The following RFC3 variants were observed in gnomAD, a reference collection of about 807,000 sequenced individuals.
RFC3 encodes replication factor C subunit 3.
In RFC3, 41 loss-of-function variants were observed where a neutral mutation model predicts 45.1. The observed-to-expected ratio is 0.91, with a 90% CI of 0.71 to 1.18. The LOEUF (loss-of-function observed/expected upper bound fraction) is 1.18, where lower values mean the gene tolerates loss of function less well. Ranked by LOEUF, RFC3 falls within the 50% of genes most tolerant of loss-of-function variation. RFC3 has a pLI of 0.00. For missense variants in RFC3, 423 were observed against 428.1 expected, an observed-to-expected ratio of 0.99 and a Z score of 0.10; for synonymous variants, 149 against 144.0, an observed-to-expected ratio of 1.03 and a Z score of -0.25.
rs114465616 is a variant in RFC3, at chr13:33,954,782, C to T, written c.880-11305C>T. ...AAAATCACTAATCTCCTCACGAGGGCTCCATCCTCATGACCTAATTACTTC... is the reference window on the plus strand; with the variant it reads ...AAAATCACTAATCTCCTCACGAGGGTTCCATCCTCATGACCTAATTACTTC... On this transcript the variant is annotated intron_variant, in intron 8 of 8. Transcript: ENST00000434425. Among the ~76,000 whole-genome samples, 1,317 of 152,244 alleles carry T rather than the reference C, an allele frequency of 8.7e-3. 16 individuals carry two copies. Among genetic ancestry groups the T allele is most frequent in the African/African-American group, 0.027 (1,128 of 41,532 alleles).
chr13:33,890,484 T>C (rs2082556712), intron 8 of RFC3, among the ~76,000 whole-genome samples: 1 of 152,178 alleles, frequency 6.6e-6, no homozygotes, highest in African/African-American at 2.4e-5. Flanking sequence ...GATGCCATCG[T>C]ATTGACCCAG....
At chr13:33,939,482 C>T (rs2082910273) in intron 8 of RFC3, among the ~76,000 whole-genome samples, 1 of 152,134 alleles carries the variant, frequency 6.6e-6, no homozygotes, top group South Asian at 2.1e-4. Context: ...TGTGTGACTC[C>T]CTCGCTCTGT....
chr13:33,958,511 G>T (rs1399783728), intron 8 of RFC3, among the ~76,000 whole-genome samples: 2 of 152,220 alleles, frequency 1.3e-5, no homozygotes, highest in Non-Finnish European at 2.9e-5. Context: ...AACTGGATGA[G>T]TGTTACCCCT....
intron 8 of RFC3, among the ~76,000 whole-genome samples, chr13:33,938,804 G>A (rs894989054): frequency 6.6e-6 from 1 of 152,064 alleles, no homozygotes; most frequent in East Asian, 1.9e-4. Context: ...GGTCATTGGG[G>A]ATGCATGTGT....
At chr13:33,959,602 C>T (rs1435933897) in intron 8 of RFC3, among the ~76,000 whole-genome samples, 1 of 152,182 alleles carries the variant, frequency 6.6e-6, no homozygotes, top group Non-Finnish European at 1.5e-5. Flanking sequence ...GAACATTTAT[C>T]TCAGGCCCAG....
chr13:33,853,326 C>G (rs1376201184), intron 8 of RFC3, among the ~76,000 whole-genome samples: 1 of 152,092 alleles, frequency 6.6e-6, no homozygotes, highest in Non-Finnish European at 1.5e-5. Context: ...GTGCATTAGA[C>G]TTTATTAATT....
chr13:33,968,335 C>T (rs1476335449), downstream of RFC3, among the ~76,000 whole-genome samples: 1 of 152,168 alleles, frequency 6.6e-6, no homozygotes, highest in African/African-American at 2.4e-5. Flanking sequence ...ACAATGTTGG[C>T]CAGGCTGGTC....
At chr13:33,830,691 T>A in intron 5 of RFC3, 28 bp from the exon 6 acceptor site, 1 of 1,585,340 alleles carries the variant, frequency 6.3e-7, no homozygotes, top group South Asian at 1.1e-5. Context: ...TTTAATGGAT[T>A]GCCCATTTTT....
At chr13:33,915,590 T>C (rs1241321846) in intron 8 of RFC3, among the ~76,000 whole-genome samples, 3 of 152,122 alleles carry the variant, frequency 2.0e-5, no homozygotes, top group Non-Finnish European at 2.9e-5. Context: ...TTTGTTTTCT[T>C]TTTCTTTCAA....
chr13:33,866,411 C>T (rs113741623), intron 8 of RFC3, among the ~76,000 whole-genome samples: 48 of 152,318 alleles, frequency 3.2e-4, no homozygotes, highest in African/African-American at 1.1e-3. Context: ...GTGATCCATA[C>T]AGTTTGGAGG....
rs530057632 is a variant in RFC3, at chr13:33,821,248, A to G, written c.204A>G (p.Arg68=). 1.2e-6 allele frequency: 2 copies of G among 1,613,632 alleles called. No individual in the cohort carries two copies. Among genetic ancestry groups the G allele is most frequent in the Admixed American group, 3.3e-5 (2 of 60,012 alleles). ...ATGGTGTTGGAGTGGAAAAATTGAG[A>G]ATTGAACATCAGACCATCACAGTAA... ...ELYGVGVEKL[R]IEHQTITTPS... The change falls in exon 2 of 9, where the codon AGA becomes AGG. Residue 68 remains arginine (R), a synonymous_variant. Transcript: ENST00000380071.
chr13:33,865,313 TG>T (rs2082366377), intron 8 of RFC3, among the ~76,000 whole-genome samples: 1 of 152,208 alleles, frequency 6.6e-6, no homozygotes, highest in Non-Finnish European at 1.5e-5. Context: ...TGCCTTTGCC[TG>T]AGGGAGTTGC....
intron 8 of RFC3, among the ~76,000 whole-genome samples, chr13:33,896,071 G>A (rs1319013662): frequency 2.6e-5 from 4 of 151,922 alleles, no homozygotes; most frequent in African/African-American, 9.7e-5. Flanking sequence ...CACTACTCAG[G>A]TGACAGGTTC....
At chr13:33,881,806 G>T (rs77292653) in intron 8 of RFC3, among the ~76,000 whole-genome samples, 1,632 of 152,008 alleles carry the variant, frequency 0.011, 33 homozygotes, top group African/African-American at 0.037. Context: ...TTTACCTCCT[G>T]ACCTTGAACA....
At chr13:33,873,934 T>G (rs2082429323) in intron 8 of RFC3, among the ~76,000 whole-genome samples, 1 of 152,214 alleles carries the variant, frequency 6.6e-6, no homozygotes, top group Non-Finnish European at 1.5e-5. Flanking sequence ...AGTTGTAGAT[T>G]ATTATTTTGG....
At chr13:33,918,291 AG>A (rs1158794963) in intron 8 of RFC3, among the ~76,000 whole-genome samples, 1 of 152,134 alleles carries the variant, frequency 6.6e-6, no homozygotes, top group African/African-American at 2.4e-5. Flanking sequence ...GAGAATTACT[AG>A]GGTTTCTGAC....
chr13:33,823,784 A>G, intron 2 of RFC3, 133 bp from the exon 3 acceptor site: 1 of 525,310 alleles, frequency 1.9e-6, no homozygotes, highest in Non-Finnish European at 3.4e-6. Flanking sequence ...AGTGGGATTA[A>G]CAAAGTTAAA....
At chr13:33,946,324 C>T (rs1259884150) in intron 8 of RFC3, among the ~76,000 whole-genome samples, 1 of 152,114 alleles carries the variant, frequency 6.6e-6, no homozygotes, top group Non-Finnish European at 1.5e-5. Context: ...TTGGAATGTG[C>T]CCTGGGATTA....
chr13:33,870,539 A>G (rs2082400478), intron 8 of RFC3, among the ~76,000 whole-genome samples: 1 of 152,230 alleles, frequency 6.6e-6, no homozygotes, highest in Non-Finnish European at 1.5e-5. Flanking sequence ...CATGTTCAAC[A>G]GTCTGTCAGG....
Sources: allele counts gnomAD v4.1 joint callset (sites outside exome capture counted in the v4.1 genomes callset), GRCh38; gene constraint gnomAD v4.1.1; transcripts MANE v1.5; gene names NCBI Gene and HGNC (gene_info 2026-07-23, HGNC 2026-07-21).